Variants in TENT5D observed in about 807,000 individuals in gnomAD.
The protein encoded by TENT5D is terminal nucleotidyltransferase 5D, also known as cancer/testis antigen 112.
For synonymous variants in TENT5D, 103 were observed against 100.6 expected (o/e 1.02, Z -0.15); for missense variants, 191 against 287.0 (o/e 0.67, Z 2.42).
At chrX:80,431,687 C>A (rs1932091727) in intron 1 of TENT5D, among the ~76,000 whole-genome samples, 1 of 111,312 alleles carries the variant, frequency 9.0e-6, no homozygotes, top group East Asian at 2.8e-4. Flanking sequence ...CATCAGATCT[C>A]ATGAGACTCA....
chrX:80,390,826 A>T (rs1453847321), intron 3 of TENT5D, among the ~76,000 whole-genome samples: 1 of 112,061 alleles, frequency 8.9e-6, no homozygotes, highest in East Asian at 2.8e-4. Flanking sequence ...ATGCAAGGGT[A>T]TTGGAAGAAG....
At chrX:80,407,301 C>T (rs1931522421) in intron 3 of TENT5D, among the ~76,000 whole-genome samples, 1 of 110,577 alleles carries the variant, frequency 9.0e-6, no homozygotes, top group Non-Finnish European at 1.9e-5. Context: ...AAGACACAGA[C>T]TGGCAAATTG....
intron 3 of TENT5D, among the ~76,000 whole-genome samples, chrX:80,343,668 G>A (rs187544173): frequency 0.011 from 1,182 of 110,980 alleles, 24 homozygotes; most frequent in African/African-American, 0.037. Flanking sequence ...CCAAAGTGCT[G>A]GGATTACAGG....
upstream of TENT5D, among the ~76,000 whole-genome samples, chrX:80,416,172 A>T (rs186997119): frequency 6.1e-5 from 6 of 97,654 alleles, no homozygotes; most frequent in East Asian, 1.7e-3. Context: ...TTATTTGGAT[A>T]TTCTCTCTTT....
chrX:80,358,618 T>C (rs1266852806), intron 3 of TENT5D, among the ~76,000 whole-genome samples: 1 of 112,296 alleles, frequency 8.9e-6, no homozygotes, highest in African/African-American at 3.2e-5. Flanking sequence ...TAGTTTCTTA[T>C]ATAATATCAT....
intron 3 of TENT5D, among the ~76,000 whole-genome samples, chrX:80,397,311 C>A (rs2147542774): frequency 9.5e-6 from 1 of 104,815 alleles, no homozygotes; most frequent in East Asian, 3.1e-4. Context: ...GGCAGAGGCG[C>A]TCCCCACATC....
intron 3 of TENT5D, among the ~76,000 whole-genome samples, chrX:80,359,215 A>G (rs1206567202): frequency 7.3e-5 from 8 of 109,947 alleles, no homozygotes; most frequent in African/African-American, 9.9e-5. Flanking sequence ...GGGAGTGTAA[A>G]TTCAACCATT....
intron 3 of TENT5D, among the ~76,000 whole-genome samples, chrX:80,399,872 A>G (rs1238600970): frequency 8.9e-6 from 1 of 112,127 alleles, no homozygotes; most frequent in East Asian, 2.8e-4. Context: ...TAGGGGATAC[A>G]GTAAGAAGAA....
intron 3 of TENT5D, among the ~76,000 whole-genome samples, chrX:80,354,686 A>G (rs963709716): frequency 9.0e-6 from 1 of 111,626 alleles, no homozygotes; most frequent in Admixed American, 9.5e-5. Context: ...CATTTCATCC[A>G]TTTCAGTCTG....
chrX:80,382,333 T>C lies in TENT5D; in HGVS notation c.-142+39769T>C, dbSNP rs530115434. On this transcript the variant is annotated intron_variant, in intron 3 of 4. Coordinates refer to the TENT5D transcript ENST00000538312. ...CAGAACAGCAAATATTGCTGCCTGATCCTTCCTCTGGAAGCTTTGTCTCAG... is the reference window on the plus strand; with the variant it reads ...CAGAACAGCAAATATTGCTGCCTGACCCTTCCTCTGGAAGCTTTGTCTCAG... Among the ~76,000 whole-genome samples, 27 of 111,686 alleles carry C rather than the reference T, an allele frequency of 2.4e-4. No individual in the cohort carries two copies. The East Asian group carries it at 7.1e-3, about 29-fold the overall frequency.
intron 3 of TENT5D, among the ~76,000 whole-genome samples, chrX:80,413,676 C>T (rs372198101): frequency 8.9e-6 from 1 of 111,972 alleles, no homozygotes; most frequent in East Asian, 2.8e-4. Flanking sequence ...GCCTTTCACC[C>T]TCACCATGAT....
rs746431373 is a variant in TENT5D at position 80,386,526 on chromosome X, G to C, written c.-142+43962G>C. ...CATATGTAACAAACATGCACATTGT[G>C]CACATGTACCCTAGAACTTAAAGTA... On this transcript the variant is annotated intron_variant, in intron 3 of 4. Coordinates refer to the TENT5D transcript ENST00000538312. Among the ~76,000 whole-genome samples, 9 of 110,068 alleles carry C rather than the reference G, an allele frequency of 8.2e-5. No individual in the cohort carries two copies. The South Asian group carries it at 1.2e-3, about 14-fold the overall frequency.
At chrX:80,370,758 G>A (rs2147526214) in intron 3 of TENT5D, among the ~76,000 whole-genome samples, 1 of 111,309 alleles carries the variant, frequency 9.0e-6, no homozygotes, top group South Asian at 3.8e-4. Flanking sequence ...TATACTTACA[G>A]AATTGATAGA....
chrX:80,409,724 T>C (rs1444294518), intron 3 of TENT5D, among the ~76,000 whole-genome samples: 1 of 109,358 alleles, frequency 9.1e-6, no homozygotes, highest in Non-Finnish European at 1.9e-5. Context: ...AATGACTTTC[T>C]TCACAGAATT....
At chrX:80,343,318 A>G (rs985795332) in intron 3 of TENT5D, among the ~76,000 whole-genome samples, 2 of 109,383 alleles carry the variant, frequency 1.8e-5, no homozygotes, top group African/African-American at 3.3e-5. Context: ...ATAAATTGTT[A>G]TTATATTTTA....
chrX:80,339,294 T>C (rs1429643080), intron 2 of TENT5D, among the ~76,000 whole-genome samples: 1 of 111,563 alleles, frequency 9.0e-6, no homozygotes, highest in African/African-American at 3.3e-5. Context: ...TGAGGACTTA[T>C]TCTAGCTGAC....
rs769022513 is a variant in TENT5D, at chrX:80,442,907, C to T, written c.368C>T (p.Pro123Leu). ...GATGTAAAGAAGGAAAAGCTCTCCC[C>T]AGATATCATGAAAGACGCTTACGTA... Residue 123 changes from proline to leucine, a missense_variant, in exon 3 of 3, where the codon CCA becomes CTA. By Grantham distance (98) the Pro-to-Leu change is moderately conservative. Transcript: ENST00000308293. 4.3e-5 allele frequency: 52 copies of T among 1,209,314 alleles called. No homozygotes were observed. Among genetic ancestry groups the T allele is most frequent in the Non-Finnish European group, 5.4e-5 (48 of 894,823 alleles).
At chrX:80,354,093 C>T (rs1219596008) in intron 3 of TENT5D, among the ~76,000 whole-genome samples, 1 of 111,446 alleles carries the variant, frequency 9.0e-6, no homozygotes, top group Non-Finnish European at 1.9e-5. Flanking sequence ...GTCTTCTTTA[C>T]AAAAGTGTCT....
At chrX:80,349,715 C>G (rs755715934) in intron 3 of TENT5D, among the ~76,000 whole-genome samples, 1 of 110,844 alleles carries the variant, frequency 9.0e-6, no homozygotes, top group African/African-American at 3.3e-5. Context: ...TTTGCTCTTG[C>G]TTCTCTAGTT....
Sources: gnomAD v4.1 joint callset for allele counts (sites outside exome capture counted in the v4.1 genomes callset) on GRCh38, gnomAD v4.1.1 for gene constraint, MANE v1.5 for transcripts, NCBI Gene and HGNC (gene_info 2026-07-23, HGNC 2026-07-21) for gene names.